Variants in ST3GAL2 observed in about 807,000 individuals in gnomAD.
ST3GAL2 encodes ST3 beta-galactoside alpha-2,3-sialyltransferase 2.
Under a neutral mutation model 37.5 loss-of-function variants are expected in ST3GAL2, and 16 were observed. The observed-to-expected ratio is 0.43, with a 90% CI of 0.29 to 0.65. The LOEUF is 0.65. ST3GAL2 is among the 30% of genes least tolerant of loss of function. ST3GAL2 has a pLI of 0.17. For missense variants in ST3GAL2, 383 were observed against 487.8 expected (o/e 0.79, Z 2.02); for synonymous variants, 238 against 202.9 (o/e 1.17, Z -1.47).
rs531559792 is a variant in ST3GAL2 at position 70,420,604 on chromosome 16, T to C, written c.-1004+18345A>G. On this transcript the variant is annotated intron_variant, in intron 1 of 6. Transcript: ENST00000342907. ...GCTGGCCTTGGAGGTGGTTATCTCC[T>C]GGAAGGGGAATAACAGGGCAGGGTC... Among the ~76,000 whole-genome samples the C allele has an allele frequency of 2.0e-5, 3 of 152,320 alleles. No individual in the cohort carries two copies. The South Asian group carries it at 6.2e-4, about 32-fold the overall frequency.
chr16:70,377,479 G>GAA lies in ST3GAL2; in HGVS notation c.*4208_*4209dup, dbSNP rs779676975. On this transcript the variant is annotated 3_prime_UTR_variant, in exon 7 of 7. Transcript: ENST00000342907. Reference sequence around the variant, plus strand: ...TGGGCAATGGAGAGAGACTCCATCTGAAAAAAAAAAAAAAAAAAGAGAAAA... The same window carrying GAA: ...TGGGCAATGGAGAGAGACTCCATCTGAAAAAAAAAAAAAAAAAAAAGAGAAAA... 1.9e-3 allele frequency: 166 copies of GAA among 86,844 alleles called. 1 individual carries two copies. The highest frequency in any genetic ancestry group is 0.01 in the Middle Eastern group (1 of 100). The allele number at this position is 86,844 out of a possible 1,614,324, so 5.4% of individuals were successfully genotyped here.
rs183805222 is a variant in ST3GAL2 at position 70,376,585 on chromosome 16, A to C, written c.*5104T>G. 1.6e-4 allele frequency: 25 copies of C among 152,274 alleles called. No homozygotes were observed. The highest frequency in any genetic ancestry group is 3.4e-3 in the Middle Eastern group (1 of 294). The allele number at this position is 152,274 out of a possible 1,614,324, so 9.4% of individuals were successfully genotyped here. A position where few individuals can be genotyped will look rare whatever the true frequency, so the allele number is the denominator to read the frequency against. The stretch of plus-strand genomic sequence containing the variant: ...CTGCAGGAGCTGTGATTTTTTTCAC[A>C]AAAGTAGTGAGAAGGGGCATTGATT... On this transcript the variant is annotated 3_prime_UTR_variant, in exon 7 of 7. Transcript: ENST00000342907.
intron 1 of ST3GAL2, among the ~76,000 whole-genome samples, chr16:70,437,578 T>G (rs769766724): frequency 2.7e-5 from 4 of 149,524 alleles, no homozygotes; most frequent in Non-Finnish European, 5.9e-5. Context: ...GCCACCTCTC[T>G]GAGCCCTCGT....
intron 1 of ST3GAL2, among the ~76,000 whole-genome samples, chr16:70,437,499 C>A (rs567754443): frequency 6.9e-6 from 1 of 144,194 alleles, no homozygotes. Flanking sequence ...CCCCCTCTGC[C>A]CCCCCCGCAA....
chr16:70,389,092 A>C (rs889173117), intron 3 of ST3GAL2, among the ~76,000 whole-genome samples: 4 of 140,296 alleles, frequency 2.9e-5, no homozygotes, highest in Non-Finnish European at 1.5e-5. Context: ...AAAAAAAAAA[A>C]AGGTTGGCCG....
At chr16:70,433,848 T>A (rs772568872) in intron 1 of ST3GAL2, among the ~76,000 whole-genome samples, 3 of 152,150 alleles carry the variant, frequency 2.0e-5, no homozygotes, top group Non-Finnish European at 4.4e-5. Context: ...TCTAAATAAA[T>A]CCCCTATGCT....
intron 3 of ST3GAL2, among the ~76,000 whole-genome samples, chr16:70,389,856 G>A (rs538806613): frequency 3.3e-5 from 5 of 150,726 alleles, no homozygotes; most frequent in East Asian, 3.9e-4. Flanking sequence ...TCACAATCTC[G>A]GCTCACTGGA....
chr16:70,385,244 C>T (rs1448113480), intron 4 of ST3GAL2, among the ~76,000 whole-genome samples: 3 of 151,998 alleles, frequency 2.0e-5, no homozygotes, highest in Non-Finnish European at 2.9e-5. Context: ...TGCAGTGAGC[C>T]GAGAAGGCGC....
At chr16:70,394,070 C>G (rs1194776315) in intron 3 of ST3GAL2, among the ~76,000 whole-genome samples, 1 of 152,164 alleles carries the variant, frequency 6.6e-6, no homozygotes, top group Non-Finnish European at 1.5e-5. Context: ...GAGCAAGCAG[C>G]CCACGTTCAG....
At chr16:70,417,220 AG>A (rs1306477858) in intron 1 of ST3GAL2, among the ~76,000 whole-genome samples, 1 of 148,578 alleles carries the variant, frequency 6.7e-6, no homozygotes, top group Admixed American at 6.6e-5. Flanking sequence ...ACAGCTCTGC[AG>A]GAGCCCCATG....
chr16:70,386,654 A>T (rs528918812), intron 4 of ST3GAL2, among the ~76,000 whole-genome samples: 43 of 151,188 alleles, frequency 2.8e-4, no homozygotes, highest in South Asian at 6.3e-4. Flanking sequence ...TTTATTTTTT[A>T]TTTTTTTTGA....
At chr16:70,410,009 C>T (rs1314676035) in intron 1 of ST3GAL2, among the ~76,000 whole-genome samples, 1 of 151,422 alleles carries the variant, frequency 6.6e-6, no homozygotes, top group African/African-American at 2.4e-5. Flanking sequence ...TCAAATGATC[C>T]TCCCAACGTG....
At chr16:70,421,899 G>A (rs2047717390) in intron 1 of ST3GAL2, among the ~76,000 whole-genome samples, 1 of 152,158 alleles carries the variant, frequency 6.6e-6, no homozygotes, top group Non-Finnish European at 1.5e-5. Flanking sequence ...CCCATATGTG[G>A]TTAACTCATG....
Position 70,380,716 on chromosome 16 carries a change from G to C in ST3GAL2, c.*973C>G, listed in dbSNP as rs779205724. 1 of 152,504 alleles carries C rather than the reference G, an allele frequency of 6.6e-6. No homozygotes were observed. Among genetic ancestry groups the C allele is most frequent in the African/African-American group, 2.4e-5 (1 of 41,478 alleles). The allele number at this position is 152,504 out of a possible 1,614,324, so 9.4% of individuals were successfully genotyped here. A position where few individuals can be genotyped will look rare whatever the true frequency, so the allele number is the denominator to read the frequency against. ...CAGCTTAACCAAAGAATGAGCCCCA[G>C]GCAAAGTTACCCCCAGGCAAGAGGC... On this transcript the variant is annotated 3_prime_UTR_variant, in exon 7 of 7. Coordinates refer to ENST00000342907, the MANE Select transcript of ST3GAL2 (RefSeq NM_006927.4).
At chr16:70,413,460 A>G (rs899108958) in intron 1 of ST3GAL2, among the ~76,000 whole-genome samples, 6 of 150,274 alleles carry the variant, frequency 4.0e-5, no homozygotes, top group African/African-American at 1.5e-4. Flanking sequence ...TCGCGCCTAT[A>G]ATCCCAGCAC....
chr16:70,396,823 G>C (rs1022652772), intron 2 of ST3GAL2, among the ~76,000 whole-genome samples: 3 of 152,122 alleles, frequency 2.0e-5, no homozygotes, highest in African/African-American at 7.2e-5. Flanking sequence ...GCAGAGCCTG[G>C]GGAGTGACAC....
intron 1 of ST3GAL2, chr16:70,400,318 G>A (rs929563256): frequency 6.6e-6 from 1 of 152,370 alleles, no homozygotes; most frequent in East Asian, 1.9e-4. Context: ...TGCCAAGCGT[G>A]AGGGAGCCAC....
At chr16:70,389,135 T>C (rs2047463846) in intron 3 of ST3GAL2, among the ~76,000 whole-genome samples, 1 of 118,136 alleles carries the variant, frequency 8.5e-6, no homozygotes, top group Non-Finnish European at 1.6e-5. Flanking sequence ...ATCCCAGCAC[T>C]TTGGGAGGCC....
chr16:70,382,050 CCT>C lies in ST3GAL2; in HGVS notation c.880-190_880-189del, dbSNP rs1491488874. Among the ~76,000 whole-genome samples the C allele has an allele frequency of 5.6e-5, 8 of 143,970 alleles. No individual in the cohort carries two copies. In the East Asian group the frequency reaches 9.8e-4, roughly 18 times the overall value. 94.4% of individuals were successfully genotyped at this position (143,970 alleles called of 152,430 possible). A position where few individuals can be genotyped will look rare whatever the true frequency, so the allele number is the denominator to read the frequency against. On this transcript the variant is annotated intron_variant, in intron 6 of 6. Transcript: ENST00000342907. ...CCCTTTGCAGCCCTTGCAAATTCCTCCTTTTTTTTTTTTTTTTTTTTAATGGA... is the reference window on the plus strand; with the variant it reads ...CCCTTTGCAGCCCTTGCAAATTCCTCTTTTTTTTTTTTTTTTTTTAATGGA...
Sources: gnomAD v4.1 joint callset for allele counts (sites outside exome capture counted in the v4.1 genomes callset) on GRCh38, gnomAD v4.1.1 for gene constraint, MANE v1.5 for transcripts, NCBI Gene and HGNC (gene_info 2026-07-23, HGNC 2026-07-21) for gene names.